AKAP9: variants seen among roughly 807,000 people sequenced by gnomAD.
AKAP9 encodes the protein A-kinase anchor protein 9.
A neutral mutation model predicts 488.5 loss-of-function variants in AKAP9; 311 were observed. The ratio of observed to expected loss-of-function variants is 0.64; its 90% CI spans 0.58 to 0.70. AKAP9 has a LOEUF of 0.70. Ranked by LOEUF, AKAP9 falls within the 30% of genes least tolerant of loss-of-function variation. The pLI is 0.00. For synonymous variants in AKAP9, 1,462 were observed against 1,483.5 expected (o/e 0.99, Z 0.33); for missense variants, 4,215 against 4,374.5 (o/e 0.96, Z 1.03).
At chr7:92,011,813 T>C (rs1562976931) in intron 8 of AKAP9, among the ~76,000 whole-genome samples, 1 of 152,088 alleles carries the variant, frequency 6.6e-6, no homozygotes. Context: ...GACATAACAG[T>C]GAATAAAAGC....
chr7:92,063,743 A>G (rs1333237573), intron 24 of AKAP9, among the ~76,000 whole-genome samples: 1 of 152,116 alleles, frequency 6.6e-6, no homozygotes, highest in Non-Finnish European at 1.5e-5. Flanking sequence ...CTATTTTTGC[A>G]TAGAGCTTAA....
intron 3 of AKAP9, among the ~76,000 whole-genome samples, chr7:91,981,948 T>A (rs1416777538): frequency 2.6e-5 from 4 of 152,192 alleles, no homozygotes; most frequent in Non-Finnish European, 5.9e-5. Flanking sequence ...CTTTGGTGCT[T>A]AAACTGCCTG....
intron 1 of AKAP9, among the ~76,000 whole-genome samples, chr7:91,958,020 T>C (rs928247392): frequency 1.3e-5 from 2 of 152,140 alleles, no homozygotes; most frequent in African/African-American, 4.8e-5. Context: ...GTGACTACAT[T>C]CAGGAATGGA....
chr7:92,028,295 T>TAAAAAAAAAAAAA (rs57352733), intron 14 of AKAP9, among the ~76,000 whole-genome samples: 3 of 65,058 alleles, frequency 4.6e-5, no homozygotes, highest in Non-Finnish European at 7.9e-5. Flanking sequence ...CAATAAATAC[T>TAAAAAAAAAAAAA]AAAAAAAAAA....
chr7:92,054,583 G>T (rs1297736406), intron 22 of AKAP9, among the ~76,000 whole-genome samples: 2 of 152,044 alleles, frequency 1.3e-5, no homozygotes, highest in African/African-American at 4.8e-5. Context: ...CAAAATTTTT[G>T]AATATCAGGG....
chr7:92,008,297 G>A (rs940629024), intron 8 of AKAP9, among the ~76,000 whole-genome samples: 2 of 152,106 alleles, frequency 1.3e-5, no homozygotes, highest in East Asian at 1.9e-4. Flanking sequence ...AACCCGGGAG[G>A]CAGAGGTTGC....
At chr7:91,995,240 A>G (rs1359716205) in intron 6 of AKAP9, among the ~76,000 whole-genome samples, 1 of 152,216 alleles carries the variant, frequency 6.6e-6, no homozygotes, top group Non-Finnish European at 1.5e-5. Context: ...GGAGGTACTT[A>G]GTGTAAGGAT....
chr7:91,966,225 T>G (rs550635688), intron 1 of AKAP9, among the ~76,000 whole-genome samples: 1 of 152,280 alleles, frequency 6.6e-6, no homozygotes, highest in East Asian at 1.9e-4. Context: ...TTGTCTGTTT[T>G]TGTTTTTGTT....
Position 92,093,092 on chromosome 7 carries a change from T to C in AKAP9, c.9359-5T>C, listed in dbSNP as rs2130891619. 2 of 1,608,624 alleles carry C rather than the reference T, an allele frequency of 1.2e-6. No homozygotes were observed. The highest frequency in any genetic ancestry group is 1.7e-6 in the Non-Finnish European group (2 of 1,175,146). ...TGTTTCAAATATTAATCATGTTCTG[T>C]GTAGAACTCTTGGAATATAATATAC... On this transcript the variant is annotated splice_region_variant and splice_polypyrimidine_tract_variant and intron_variant, in intron 38 of 49. Transcript: ENST00000356239.
chr7:92,102,346 C>G (rs1313491411), intron 45 of AKAP9, among the ~76,000 whole-genome samples: 1 of 151,186 alleles, frequency 6.6e-6, no homozygotes, highest in Admixed American at 6.6e-5. Context: ...AGTATTCAGA[C>G]TCCATTGACT....
At chr7:91,977,112 T>C (rs1795797943) in intron 2 of AKAP9, among the ~76,000 whole-genome samples, 1 of 151,492 alleles carries the variant, frequency 6.6e-6, no homozygotes, top group African/African-American at 2.4e-5. Flanking sequence ...TAAAAAAAAT[T>C]AGCCGGGCAT....
chr7:92,025,253 G>T (rs551701915), intron 14 of AKAP9, among the ~76,000 whole-genome samples: 1 of 152,304 alleles, frequency 6.6e-6, no homozygotes. Flanking sequence ...AGAAAAGAGA[G>T]GCTTCTGGAA....
intron 46 of AKAP9, among the ~76,000 whole-genome samples, chr7:92,105,428 G>T (rs1333158048): frequency 3.3e-5 from 5 of 151,968 alleles, no homozygotes; most frequent in Non-Finnish European, 7.4e-5. Flanking sequence ...TATCCCTCAA[G>T]CTGGAACCTG....
At chr7:92,056,583 A>G (rs901691526) in intron 22 of AKAP9, among the ~76,000 whole-genome samples, 2 of 151,428 alleles carry the variant, frequency 1.3e-5, no homozygotes, top group Admixed American at 6.6e-5. Context: ...GGAGGGTTGC[A>G]TAAGAAACCC....
Position 92,093,110 on chromosome 7 carries a change from T to C in AKAP9, c.9372T>C (p.Tyr3124=), listed in dbSNP as rs1444641301. ...TGTTCTGTGTAGAACTCTTGGAATA[T>C]AATATACAGCAGAAGCAGTCTCAAA... ...SEKPSQELLE[Y]NIQQKQSQML... The change falls in exon 39 of 50, where the codon TAT becomes TAC. Residue 3124 remains tyrosine (Y), a synonymous_variant. Coordinates refer to ENST00000356239, the MANE Select transcript of AKAP9 (RefSeq NM_005751.5). 5 of 1,613,198 alleles carry C rather than the reference T, an allele frequency of 3.1e-6. No individual in the cohort carries two copies. The African/African-American group carries it at 5.3e-5, about 17-fold the overall frequency.
intron 5 of AKAP9, among the ~76,000 whole-genome samples, chr7:91,993,332 G>A (rs542918708): frequency 1.1e-4 from 16 of 152,036 alleles, no homozygotes; most frequent in Admixed American, 1.0e-3. Context: ...GGGACTACAG[G>A]CATGCACTAC....
At chr7:92,085,988 A>G (rs1303498560) in intron 36 of AKAP9, among the ~76,000 whole-genome samples, 1 of 152,114 alleles carries the variant, frequency 6.6e-6, no homozygotes, top group South Asian at 2.1e-4. Flanking sequence ...CTGTAATCCC[A>G]GCTACTCAGG....
At chr7:92,020,197 A>G (rs778633878) in intron 12 of AKAP9, among the ~76,000 whole-genome samples, 13 of 152,200 alleles carry the variant, frequency 8.5e-5, no homozygotes, top group African/African-American at 1.2e-4. Context: ...CAGGACTGCA[A>G]TACATCACTG....
At chr7:91,941,249 G>C in intron 1 of AKAP9, 102 bp downstream of exon 1, 3 of 1,146,898 alleles carry the variant, frequency 2.6e-6, no homozygotes, top group Non-Finnish European at 3.9e-6. Context: ...CCAGTGCACT[G>C]CCCGAGAGGG....
Sources: gnomAD v4.1 joint callset for allele counts (sites outside exome capture counted in the v4.1 genomes callset) on GRCh38, gnomAD v4.1.1 for gene constraint, MANE v1.5 for transcripts, NCBI Gene and HGNC (gene_info 2026-07-23, HGNC 2026-07-21) for gene names.